Variants in GAS2 observed in about 807,000 individuals in gnomAD.
The protein encoded by GAS2 is growth arrest specific 2.
Under a neutral mutation model 37.5 loss-of-function variants are expected in GAS2, and 20 were observed. That is an observed-to-expected ratio of 0.53 (90% confidence interval 0.37 to 0.77). The LOEUF (loss-of-function observed/expected upper bound fraction) is 0.77, where lower values mean the gene tolerates loss of function less well. GAS2 is among the 30% of genes least tolerant of loss of function. GAS2 has a pLI of 0.00. For missense variants in GAS2, 336 were observed against 373.4 expected (o/e 0.90, Z 0.82); for synonymous variants, 144 against 132.2 (o/e 1.09, Z -0.61).
chr11:22,741,816 G>GA (rs1385727554), intron 5 of GAS2, among the ~76,000 whole-genome samples: 1 of 151,962 alleles, frequency 6.6e-6, no homozygotes, highest in Non-Finnish European at 1.5e-5. Context: ...GATAAATGAG[G>GA]AAAAAATTAT....
chr11:22,787,336 T>C (rs1225355199), intron 7 of GAS2, among the ~76,000 whole-genome samples: 1 of 152,142 alleles, frequency 6.6e-6, no homozygotes, highest in Non-Finnish European at 1.5e-5. Context: ...ACTAGAAGCA[T>C]TAAATGAGAT....
chr11:22,706,005 T>A (rs942946700), intron 3 of GAS2, among the ~76,000 whole-genome samples: 1 of 152,166 alleles, frequency 6.6e-6, no homozygotes, highest in African/African-American at 2.4e-5. Flanking sequence ...GCATGATGAC[T>A]TTGAGGAAGT....
In GAS2 at chr11:22,696,585, C is replaced by T. The variant is rs1200563229; in HGVS notation, c.267+10796C>T. On this transcript the variant is annotated intron_variant, in intron 3 of 7. Transcript: ENST00000454584. ...CAGTGTAAAAGTGTTCCTACTTCTC[C>T]ATATCCTCTCCAGCACCTGTTGTTT... Among the ~76,000 whole-genome samples, 3 of 152,082 alleles carry T rather than the reference C, an allele frequency of 2.0e-5. 1 individual carries two copies. The highest frequency in any genetic ancestry group is 2.0e-4 in the Admixed American group (3 of 15,244).
intron 4 of GAS2, among the ~76,000 whole-genome samples, chr11:22,731,110 C>T (rs2134189975): frequency 6.6e-6 from 1 of 151,766 alleles, no homozygotes; most frequent in East Asian, 1.9e-4. Flanking sequence ...TACTGCTAGT[C>T]TTGCTGTACA....
At chr11:22,689,397 G>A (rs577667686) in intron 3 of GAS2, among the ~76,000 whole-genome samples, 1 of 152,220 alleles carries the variant, frequency 6.6e-6, no homozygotes, top group Non-Finnish European at 1.5e-5. Flanking sequence ...CTCTGTTCTT[G>A]GCAGCATTTA....
intron 7 of GAS2, among the ~76,000 whole-genome samples, chr11:22,787,461 A>G (rs984387445): frequency 3.3e-5 from 5 of 152,164 alleles, no homozygotes; most frequent in Non-Finnish European, 5.9e-5. Flanking sequence ...ATACATAGTT[A>G]TGTATACATA....
chr11:22,690,230 G>T (rs1165121935), intron 3 of GAS2, among the ~76,000 whole-genome samples: 2 of 151,920 alleles, frequency 1.3e-5, no homozygotes, highest in Non-Finnish European at 2.9e-5. Context: ...ATAAATGTTA[G>T]TTCGCATATT....
rs1275405382 is a variant in GAS2, at chr11:22,645,536, T to C, written c.-21+19723T>C. Reference sequence around the variant, plus strand: ...ATATATATATACACACACACACACATACATATAAAATATATTTATATCAGG... The same window carrying C: ...ATATATATATACACACACACACACACACATATAAAATATATTTATATCAGG... On this transcript the variant is annotated intron_variant, in intron 1 of 5. Coordinates refer to the GAS2 transcript ENST00000528582. Among the ~76,000 whole-genome samples, 8 of 150,714 alleles carry C rather than the reference T, an allele frequency of 5.3e-5. No individual in the cohort carries two copies. The East Asian group carries it at 1.0e-3, about 19-fold the overall frequency.
intron 7 of GAS2, among the ~76,000 whole-genome samples, chr11:22,803,655 A>T (rs1463167627): frequency 3.3e-5 from 5 of 152,154 alleles, no homozygotes; most frequent in African/African-American, 1.2e-4. Flanking sequence ...TAATGACATT[A>T]TAGATTAGAT....
intron 2 of GAS2, among the ~76,000 whole-genome samples, chr11:22,680,064 T>A (rs184857487): frequency 6.6e-6 from 1 of 152,268 alleles, no homozygotes. Flanking sequence ...TTTATTAGGG[T>A]TGCTGCTGTC....
chr11:22,797,096 G>T (rs1856463200), intron 7 of GAS2, among the ~76,000 whole-genome samples: 1 of 152,026 alleles, frequency 6.6e-6, no homozygotes. Flanking sequence ...CTGGTAATTA[G>T]ATGGAGACTA....
intron 7 of GAS2, among the ~76,000 whole-genome samples, chr11:22,808,593 T>C (rs1023961128): frequency 6.6e-6 from 1 of 152,240 alleles, no homozygotes; most frequent in Non-Finnish European, 1.5e-5. Flanking sequence ...TTCCTAGAAT[T>C]GTTTAAAAAC....
At chr11:22,661,874 T>G (rs546315123), upstream of GAS2, among the ~76,000 whole-genome samples, 1 of 152,286 alleles carries the variant, frequency 6.6e-6, no homozygotes, top group South Asian at 2.1e-4. Context: ...TTTAAAACTG[T>G]AGGTCATAAA....
At chr11:22,656,541 A>T (rs1490204055) in intron 1 of GAS2, among the ~76,000 whole-genome samples, 1 of 152,248 alleles carries the variant, frequency 6.6e-6, no homozygotes, top group African/African-American at 2.4e-5. Context: ...ACTATAAAGA[A>T]TTACTGGAGC....
chr11:22,779,652 C>T (rs575799062), intron 7 of GAS2, among the ~76,000 whole-genome samples: 6 of 151,978 alleles, frequency 3.9e-5, no homozygotes, highest in African/African-American at 1.2e-4. Context: ...AAGCCAAGAT[C>T]GTGCCACTGC....
At chr11:22,721,660 C>T (rs78430944) in intron 3 of GAS2, among the ~76,000 whole-genome samples, 226 of 152,124 alleles carry the variant, frequency 1.5e-3, no homozygotes, top group Non-Finnish European at 2.9e-3. Context: ...CTTAAAAGTT[C>T]AACTATTCAA....
At chr11:22,631,548 T>C (rs1228916960) in intron 1 of GAS2, among the ~76,000 whole-genome samples, 1 of 152,146 alleles carries the variant, frequency 6.6e-6, no homozygotes, top group African/African-American at 2.4e-5. Flanking sequence ...TGGATTTTAT[T>C]GATTGCTTTA....
At chr11:22,653,816 G>C (rs756042091) in intron 1 of GAS2, among the ~76,000 whole-genome samples, 1 of 152,148 alleles carries the variant, frequency 6.6e-6, no homozygotes, top group African/African-American at 2.4e-5. Context: ...TTGATCAATA[G>C]AGCATAATAA....
chr11:22,698,307 A>T (rs1850648406), intron 3 of GAS2, among the ~76,000 whole-genome samples: 1 of 152,134 alleles, frequency 6.6e-6, no homozygotes, highest in Non-Finnish European at 1.5e-5. Flanking sequence ...CACCCTCCCA[A>T]GACTAAACCA....
Sources: gnomAD v4.1 joint callset for allele counts (sites outside exome capture counted in the v4.1 genomes callset) on GRCh38, gnomAD v4.1.1 for gene constraint, MANE v1.5 for transcripts, NCBI Gene and HGNC (gene_info 2026-07-23, HGNC 2026-07-21) for gene names.